The following FRK variants were observed in gnomAD, a reference collection of about 807,000 sequenced individuals.
The protein encoded by FRK is fyn related Src family tyrosine kinase.
A neutral mutation model predicts 56.4 loss-of-function variants in FRK; 51 were observed. That is an observed-to-expected ratio of 0.90 (90% CI 0.72 to 1.14). The LOEUF is 1.14. Ranked by LOEUF, FRK falls within the 50% of genes most tolerant of loss-of-function variation. FRK has a pLI of 0.00. For synonymous variants in FRK, 245 were observed against 217.9 expected (o/e 1.12, Z -1.10); for missense variants, 570 against 601.4 (o/e 0.95, Z 0.55).
chr6:115,972,349 C>G (rs1271867391), intron 2 of FRK, among the ~76,000 whole-genome samples: 1 of 152,158 alleles, frequency 6.6e-6, no homozygotes, highest in Non-Finnish European at 1.5e-5. Flanking sequence ...ATCCTACTTC[C>G]ACAGGATGCT....
Position 116,048,975 on chromosome 6 carries a change from C to CT in FRK, c.344+10992dup, listed in dbSNP as rs71012323. 2.0e-3 allele frequency among the ~76,000 whole-genome samples: 293 copies of CT among 147,560 alleles called. 3 individuals are homozygous for CT. The highest frequency in any genetic ancestry group is 5.9e-3 in the Admixed American group (87 of 14,746). ...TGGGATTGTTCACATCCCTGCACTT[C>CT]TTTTTTTTTTTTAACAGTACCACAA... On this transcript the variant is annotated intron_variant, in intron 1 of 7. Transcript: ENST00000606080.
At chr6:115,958,652 GAAA>G (rs1562257052) in intron 4 of FRK, among the ~76,000 whole-genome samples, 6 of 2,026 alleles carry the variant, frequency 3.0e-3, no homozygotes, top group South Asian at 0.062. Context: ...AGAAAAGAAA[GAAA>G]GAAAGAAAGA....
intron 1 of FRK, among the ~76,000 whole-genome samples, chr6:116,009,860 T>C (rs1214376621): frequency 6.6e-6 from 1 of 152,200 alleles, no homozygotes; most frequent in Non-Finnish European, 1.5e-5. Flanking sequence ...AAAATGTGTC[T>C]GCAGGACATT....
chr6:115,956,365 G>A (rs4946130), intron 5 of FRK, 87 bp downstream of exon 5: 35,106 of 932,492 alleles, frequency 0.038, 1,491 homozygotes, highest in Admixed American at 0.19. Context: ...ATATCCTTTC[G>A]GTTACAGAAG....
At chr6:116,047,802 A>G (rs1415361751) in intron 1 of FRK, among the ~76,000 whole-genome samples, 2 of 152,192 alleles carry the variant, frequency 1.3e-5, no homozygotes, top group Admixed American at 6.5e-5. Flanking sequence ...CAGGACTCCA[A>G]GAGAACTAAG....
intron 2 of FRK, among the ~76,000 whole-genome samples, chr6:115,993,080 A>G (rs961160430): frequency 4.0e-5 from 6 of 151,858 alleles, no homozygotes; most frequent in African/African-American, 1.4e-4. Context: ...CCTTATTCAT[A>G]AGACATAAAT....
At chr6:116,046,693 A>T (rs193190273) in intron 1 of FRK, among the ~76,000 whole-genome samples, 154 of 152,206 alleles carry the variant, frequency 1.0e-3, no homozygotes, top group African/African-American at 3.5e-3. Context: ...TGATGGGTTA[A>T]TGGGTGCAGC....
At chr6:116,011,102 T>C (rs922513794) in intron 1 of FRK, among the ~76,000 whole-genome samples, 1 of 151,834 alleles carries the variant, frequency 6.6e-6, no homozygotes, top group Non-Finnish European at 1.5e-5. Context: ...AAAAAAAAAA[T>C]TGCAGTATAA....
At chr6:115,949,048 T>A (rs1772590089) in intron 5 of FRK, among the ~76,000 whole-genome samples, 1 of 152,226 alleles carries the variant, frequency 6.6e-6, no homozygotes. Context: ...TTGTAGCAAC[T>A]GCAAAAGGGA....
intron 1 of FRK, among the ~76,000 whole-genome samples, chr6:116,034,918 T>C (rs926773627): frequency 1.3e-5 from 2 of 152,040 alleles, no homozygotes; most frequent in Non-Finnish European, 2.9e-5. Flanking sequence ...AATAACACCA[T>C]AGTGGATGGA....
At chr6:115,953,759 C>G (rs1772883798) in intron 5 of FRK, among the ~76,000 whole-genome samples, 1 of 152,180 alleles carries the variant, frequency 6.6e-6, no homozygotes, top group Non-Finnish European at 1.5e-5. Context: ...AGTCTCAAAA[C>G]AAGCTTGACT....
At chr6:116,051,645 G>A (rs1404784765) in intron 1 of FRK, among the ~76,000 whole-genome samples, 3 of 152,084 alleles carry the variant, frequency 2.0e-5, no homozygotes, top group Non-Finnish European at 2.9e-5. Context: ...AAGGAACCCT[G>A]CAATATCGTT....
At chr6:116,035,530 G>C (rs985784059) in intron 1 of FRK, among the ~76,000 whole-genome samples, 1 of 152,026 alleles carries the variant, frequency 6.6e-6, no homozygotes, top group African/African-American at 2.4e-5. Flanking sequence ...TGAAAATTCT[G>C]TTTCAAAGTT....
At chr6:116,064,716 T>C (rs1582776114), upstream of FRK, among the ~76,000 whole-genome samples, 1 of 152,308 alleles carries the variant, frequency 6.6e-6, no homozygotes, top group South Asian at 2.1e-4. Flanking sequence ...CTCATCCTTA[T>C]AGCAAATTGC....
the FRK span, among the ~76,000 whole-genome samples, chr6:116,078,960 T>A: frequency 1.3e-5 from 2 of 152,200 alleles, no homozygotes; most frequent in Non-Finnish European, 2.9e-5. Flanking sequence ...ATATCAAAAG[T>A]CCATTCCTTT....
intron 1 of FRK, among the ~76,000 whole-genome samples, chr6:116,016,206 C>T (rs1348934626): frequency 2.0e-5 from 3 of 152,128 alleles, no homozygotes; most frequent in Non-Finnish European, 4.4e-5. Flanking sequence ...CTCTGTGCAC[C>T]TTCTGGACTT....
Position 115,939,462 on chromosome 6 carries a change from G to T in FRK, c.*2952C>A, listed in dbSNP as rs1772114623. 1 of 152,138 alleles carries T rather than the reference G, an allele frequency of 6.6e-6. No homozygotes were observed. Among genetic ancestry groups the T allele is most frequent in the South Asian group, 2.1e-4 (1 of 4,820 alleles). 9.4% of individuals were successfully genotyped at this position (152,138 alleles called of 1,614,324 possible). A position where few individuals can be genotyped will look rare whatever the true frequency, so the allele number is the denominator to read the frequency against. On this transcript the variant is annotated 3_prime_UTR_variant, in exon 8 of 8. Transcript: ENST00000606080. ...CCTCTCACCACTCCTGTTCAAAATA[G>T]TATTGAAAGTTCTGGCCAGGGCAAT...
At chr6:116,008,836 C>A (rs1407189205) in intron 1 of FRK, among the ~76,000 whole-genome samples, 1 of 152,136 alleles carries the variant, frequency 6.6e-6, no homozygotes, top group Admixed American at 6.5e-5. Context: ...TAAAGCATCA[C>A]AAGAGAGTCA....
chr6:116,039,129 G>C (rs1776612842), intron 1 of FRK: 1 of 884,092 alleles, frequency 1.1e-6, no homozygotes, highest in Non-Finnish European at 1.9e-6. Context: ...GTAATCGCTT[G>C]CACTGGGGAG....
Sources: allele counts gnomAD v4.1 joint callset (sites outside exome capture counted in the v4.1 genomes callset), GRCh38; gene constraint gnomAD v4.1.1; transcripts MANE v1.5; gene names NCBI Gene and HGNC (gene_info 2026-07-23, HGNC 2026-07-21).